The following BFSP1 variants were observed in gnomAD, a reference collection of about 807,000 sequenced individuals.
BFSP1 encodes filensin.
Under a neutral mutation model 43.9 loss-of-function variants are expected in BFSP1, and 38 were observed. The ratio of observed to expected loss-of-function variants is 0.87; its 90% CI spans 0.67 to 1.14. The LOEUF (loss-of-function observed/expected upper bound fraction) is 1.14, where lower values mean the gene tolerates loss of function less well. BFSP1 is among the 50% of genes most tolerant of loss of function. The probability of loss-of-function intolerance (pLI) is 0.00; values close to 1 mark genes in which losing one functional copy is unlikely to be tolerated. For synonymous variants in BFSP1, 352 were observed against 354.8 expected (o/e 0.99, Z 0.09); for missense variants, 850 against 875.1 (o/e 0.97, Z 0.36).
chr20:17,517,063 G>A (rs924502124), intron 2 of BFSP1: 9 of 908,384 alleles, frequency 9.9e-6, no homozygotes, highest in East Asian at 9.6e-5. Flanking sequence ...TTGAGACTTC[G>A]TGGTGGTGCT....
chr20:17,508,646 G>A (rs916109556), intron 5 of BFSP1, among the ~76,000 whole-genome samples: 1 of 152,152 alleles, frequency 6.6e-6, no homozygotes, highest in Non-Finnish European at 1.5e-5. Context: ...ACCTCTGAGG[G>A]GCCAGGAATG....
rs1182274438 is a variant in BFSP1 at position 17,553,824 on chromosome 20, CAT to C, written c.2+4862_2+4863del. Among the ~76,000 whole-genome samples, 407 of 73,302 alleles carry C rather than the reference CAT, an allele frequency of 5.6e-3. 8 individuals are homozygous for C. Among genetic ancestry groups the C allele is most frequent in the East Asian group, 0.013 (36 of 2,806 alleles). 48.1% of individuals were successfully genotyped at this position (73,302 alleles called of 152,430 possible). ...ACACACACACACACACACACACACA[CAT>C]ATATATATATACACATATATATACA... On this transcript the variant is annotated intron_variant, in intron 1 of 7. Transcript: ENST00000377868.
chr20:17,551,642 C>A (rs1414846280), intron 1 of BFSP1, among the ~76,000 whole-genome samples: 2 of 152,116 alleles, frequency 1.3e-5, no homozygotes, highest in Non-Finnish European at 2.9e-5. Flanking sequence ...TATTGACAAC[C>A]TACCCTGTGC....
intron 4 of BFSP1, among the ~76,000 whole-genome samples, chr20:17,509,665 A>G (rs2034028436): frequency 6.6e-6 from 1 of 152,190 alleles, no homozygotes; most frequent in Non-Finnish European, 1.5e-5. Context: ...ACTCTCGAAG[A>G]AAATGAAGGC....
intron 2 of BFSP1, among the ~76,000 whole-genome samples, chr20:17,515,731 G>C (rs924555935): frequency 6.6e-5 from 10 of 152,164 alleles, no homozygotes; most frequent in African/African-American, 2.4e-4. Context: ...GGTTCATCAG[G>C]ATTCCCCAGT....
At chr20:17,556,520 T>A (rs560623850) in intron 1 of BFSP1, among the ~76,000 whole-genome samples, 3 of 152,050 alleles carry the variant, frequency 2.0e-5, no homozygotes, top group East Asian at 3.9e-4. Flanking sequence ...AAATTAAAAA[T>A]AATAATAAAA....
chr20:17,544,050 C>T (rs2034762604), intron 1 of BFSP1, among the ~76,000 whole-genome samples: 1 of 152,206 alleles, frequency 6.6e-6, no homozygotes, highest in African/African-American at 2.4e-5. Flanking sequence ...CAGAAGCCAA[C>T]TCCGTGGCAA....
At position 17,552,989 on chromosome 20, in the gene BFSP1, A is replaced by G. The variant is rs182976010; in HGVS notation, c.2+5699T>C. Among the ~76,000 whole-genome samples, 362 of 152,350 alleles carry G rather than the reference A, an allele frequency of 2.4e-3. 6 individuals are homozygous for G. The highest frequency in any genetic ancestry group is 0.015 in the Admixed American group (232 of 15,302). Reference sequence around the variant, plus strand: ...ATATTTAAAGTCATGAAACTGAATCAGAAAACTAAGGGAATTAGTGCAGAG... The same window carrying G: ...ATATTTAAAGTCATGAAACTGAATCGGAAAACTAAGGGAATTAGTGCAGAG... On this transcript the variant is annotated intron_variant, in intron 1 of 7. Coordinates refer to the BFSP1 transcript ENST00000377868.
At position 17,544,219 on chromosome 20, in the gene BFSP1, C is replaced by T. The variant is rs1364173740; in HGVS notation, c.2+14469G>A. On this transcript the variant is annotated intron_variant, in intron 1 of 7. Transcript: ENST00000377868. Reference sequence around the variant, plus strand: ...CAACATATCTAAGGGTTCTAGGAGACAGAGTAGAATGCATCACAGAGATAT... The same window carrying T: ...CAACATATCTAAGGGTTCTAGGAGATAGAGTAGAATGCATCACAGAGATAT... Among the ~76,000 whole-genome samples the T allele has an allele frequency of 2.6e-5, 4 of 152,286 alleles. No homozygotes were observed. In the Middle Eastern group the frequency reaches 0.014, roughly 518 times the overall value.
upstream of BFSP1, among the ~76,000 whole-genome samples, chr20:17,563,885 T>TAA (rs998399781): frequency 0.035 from 3,140 of 90,670 alleles, 67 homozygotes; most frequent in East Asian, 0.11. Context: ...AGACCGTGTC[T>TAA]AAAAAAAAAA....
rs74488569 is a variant in BFSP1 at position 17,493,942 on chromosome 20, G to A, written c.*132C>T. 0.023 allele frequency: 19,152 copies of A among 821,954 alleles called. 444 individuals are homozygous for A. Among genetic ancestry groups the A allele is most frequent in the East Asian group, 0.1 (3,885 of 38,860 alleles). 50.9% of individuals were successfully genotyped at this position (821,954 alleles called of 1,614,324 possible). On this transcript the variant is annotated 3_prime_UTR_variant, in exon 8 of 8. Coordinates refer to ENST00000377873, the MANE Select transcript of BFSP1 (RefSeq NM_001195.5). ...AAACATTTTAATGAAGGCTTCGTTG[G>A]CAATGCCAGATGGGTCAACTATGGT... is the stretch of plus-strand genomic sequence containing the variant.
chr20:17,557,272 G>A (rs1047767828), intron 1 of BFSP1, among the ~76,000 whole-genome samples: 1 of 152,220 alleles, frequency 6.6e-6, no homozygotes, highest in Non-Finnish European at 1.5e-5. Flanking sequence ...GGCCCTCGCA[G>A]TTTCTCTTTG....
Position 17,531,146 on chromosome 20 carries a change from C to G in BFSP1, c.184G>C (p.Glu62Gln), listed in dbSNP as rs994396405. 2.3e-6 allele frequency: 3 copies of G among 1,315,964 alleles called. No individual in the cohort carries two copies. The highest frequency in any genetic ancestry group is 3.2e-5 in the East Asian group (1 of 31,468). 81.5% of individuals were successfully genotyped at this position (1,315,964 alleles called of 1,614,324 possible). The change falls in exon 1 of 8, where the codon GAG (glutamate) becomes CAG (glutamine). Residue 62 changes from glutamate (E) to glutamine (Q), a missense_variant. Glu to Gln is a conservative substitution (Grantham distance 29). Transcript: ENST00000377873. ...CTCCGGAGCCCGGCATGGCGCTGCT[C>G]GAGGGCGCGGGCCCGCTGGACGTGG... Reference protein sequence around the residue: ...AAHVQRARALEQRHAGLRRQL... With the variant: ...AAHVQRARALQQRHAGLRRQL...
intron 1 of BFSP1, among the ~76,000 whole-genome samples, chr20:17,540,713 G>A (rs1405258794): frequency 2.0e-5 from 3 of 152,114 alleles, no homozygotes; most frequent in Non-Finnish European, 4.4e-5. Flanking sequence ...TCACCTCCGG[G>A]TGCCTCTCAT....
intron 5 of BFSP1, among the ~76,000 whole-genome samples, chr20:17,500,966 A>T (rs1314942061): frequency 6.6e-6 from 1 of 152,202 alleles, no homozygotes; most frequent in East Asian, 1.9e-4. Context: ...CACTGGAACC[A>T]CCTGAGGGTG....
upstream of BFSP1, among the ~76,000 whole-genome samples, chr20:17,532,483 A>G (rs1397274308): frequency 6.6e-6 from 1 of 151,980 alleles, no homozygotes; most frequent in Non-Finnish European, 1.5e-5. Flanking sequence ...TAATACAAAA[A>G]AATTTTAATA....
At chr20:17,519,107 G>A (rs780618586) in intron 2 of BFSP1, among the ~76,000 whole-genome samples, 1 of 152,126 alleles carries the variant, frequency 6.6e-6, no homozygotes, top group Non-Finnish European at 1.5e-5. Context: ...ATGGGGTGGG[G>A]CACAGAATTC....
intron 1 of BFSP1, among the ~76,000 whole-genome samples, chr20:17,537,495 T>A (rs1322177175): frequency 6.7e-6 from 1 of 149,484 alleles, no homozygotes; most frequent in Non-Finnish European, 1.5e-5. Context: ...AAGCCTGAGA[T>A]TCAAACACTA....
chr20:17,540,335 A>G (rs1234665198), intron 1 of BFSP1, among the ~76,000 whole-genome samples: 2 of 152,062 alleles, frequency 1.3e-5, no homozygotes, highest in African/African-American at 4.8e-5. Flanking sequence ...AGCATACATC[A>G]TCCTTTTCTC....
Sources: gnomAD v4.1 joint callset for allele counts (sites outside exome capture counted in the v4.1 genomes callset) on GRCh38, gnomAD v4.1.1 for gene constraint, MANE v1.5 for transcripts, NCBI Gene and HGNC (gene_info 2026-07-23, HGNC 2026-07-21) for gene names.